FBXL13: variants seen among roughly 807,000 people sequenced by gnomAD.
FBXL13 encodes F-box and leucine-rich repeat protein 13.
FBXL13 carries 67 observed loss-of-function variants against 83.6 expected under a neutral mutation model. The observed-to-expected ratio is 0.80, with a 90% CI of 0.66 to 0.98. FBXL13 has a LOEUF of 0.98. FBXL13 is among the 50% of genes least tolerant of loss of function. The probability of loss-of-function intolerance (pLI) is 0.00; values close to 1 mark genes in which losing one functional copy is unlikely to be tolerated. For missense variants in FBXL13, 822 were observed against 866.5 expected (o/e 0.95, Z 0.64); for synonymous variants, 272 against 299.5 (o/e 0.91, Z 0.95).
chr7:102,884,323 C>T lies in FBXL13; in HGVS notation c.1009-11G>A. On this transcript the variant is annotated splice_polypyrimidine_tract_variant and intron_variant, in intron 11 of 19. Transcript: ENST00000313221. The stretch of plus-strand genomic sequence containing the variant: ...GCCTTGGACTGAAATCTGAATTGTA[C>T]AGAGTAGAAAATAATGGGAGAATGC... 1 of 1,603,316 alleles carries T rather than the reference C, an allele frequency of 6.2e-7. No individual in the cohort carries two copies. Among genetic ancestry groups the T allele is most frequent in the Non-Finnish European group, 8.5e-7 (1 of 1,170,768 alleles).
chr7:102,834,059 AGGAAGGAAGGAAGGAAG>A, intron 17 of FBXL13, among the ~76,000 whole-genome samples: 1 of 115,262 alleles, frequency 8.7e-6, no homozygotes, highest in East Asian at 2.6e-4. Flanking sequence ...GAAGGAAGGA[AGGAAGGAAGGAAGGAAG>A]GAAGGAAAGA....
intron 6 of FBXL13, among the ~76,000 whole-genome samples, chr7:102,984,008 A>G (rs1196687251): frequency 1.3e-5 from 2 of 152,134 alleles, no homozygotes; most frequent in Admixed American, 1.3e-4. Context: ...ACCTAATTAT[A>G]TTCATGTGAT....
chr7:103,012,695 T>C (rs561163892), intron 6 of FBXL13, among the ~76,000 whole-genome samples: 16 of 152,136 alleles, frequency 1.1e-4, no homozygotes, highest in African/African-American at 3.9e-4. Context: ...CCAGCCACTA[T>C]AAAAAAACAC....
intron 1 of FBXL13, among the ~76,000 whole-genome samples, chr7:103,072,114 C>T (rs1389757552): frequency 2.0e-5 from 3 of 151,440 alleles, no homozygotes; most frequent in Non-Finnish European, 2.9e-5. Flanking sequence ...ACCCAGGAGG[C>T]GGATGTTGCA....
chr7:102,973,756 C>G lies in FBXL13; in HGVS notation c.496-5639G>C, dbSNP rs1416185514. On this transcript the variant is annotated intron_variant, in intron 6 of 19. Coordinates refer to ENST00000313221, the Ensembl canonical transcript of FBXL13. ...CTTCTCTGTGCATGCACATCAGTCA[C>G]TGATCTCACCTACTGGTAAGTTTCC... is the stretch of plus-strand genomic sequence containing the variant. 5.2e-6 allele frequency: 4 copies of G among 765,432 alleles called. No individual in the cohort carries two copies. The African/African-American group carries it at 6.8e-5, about 13-fold the overall frequency. The allele number at this position is 765,432 out of a possible 1,614,324, so 47.4% of individuals were successfully genotyped here.
At chr7:102,834,448 T>C (rs982188714) in intron 17 of FBXL13, among the ~76,000 whole-genome samples, 1 of 115,018 alleles carries the variant, frequency 8.7e-6, no homozygotes, top group African/African-American at 4.4e-5. Flanking sequence ...ATATTATATA[T>C]ATGTGATTAT....
At chr7:102,878,333 C>T in exon 15 of FBXL13, 1 of 1,598,760 alleles carries the variant, frequency 6.3e-7, no homozygotes, top group South Asian at 1.1e-5. Flanking sequence ...TATCATACCG[C>T]TCAGATAGTT....
chr7:102,861,594 G>A (rs966335699), intron 16 of FBXL13, among the ~76,000 whole-genome samples: 1 of 152,178 alleles, frequency 6.6e-6, no homozygotes, highest in Non-Finnish European at 1.5e-5. Flanking sequence ...TTGTTGAGAT[G>A]TTATAGTACA....
chr7:103,008,425 T>C (rs1163680185), intron 6 of FBXL13, among the ~76,000 whole-genome samples: 1 of 152,230 alleles, frequency 6.6e-6, no homozygotes, highest in East Asian at 1.9e-4. Context: ...ACATCAATAA[T>C]ATTCATGGCA....
intron 6 of FBXL13, among the ~76,000 whole-genome samples, chr7:102,997,936 G>A (rs1397903768): frequency 1.3e-5 from 2 of 152,192 alleles, no homozygotes; most frequent in African/African-American, 2.4e-5. Context: ...ATACTCAGCA[G>A]TGAGATTGCT....
chr7:102,993,455 G>C (rs186683035), intron 6 of FBXL13, among the ~76,000 whole-genome samples: 1 of 152,278 alleles, frequency 6.6e-6, no homozygotes, highest in Admixed American at 6.5e-5. Context: ...TGTTTAAAAT[G>C]AAGACAACCC....
At chr7:102,864,015 T>C (rs1038377618) in intron 16 of FBXL13, among the ~76,000 whole-genome samples, 1 of 152,178 alleles carries the variant, frequency 6.6e-6, no homozygotes, top group Admixed American at 6.5e-5. Context: ...CTTTCTTCAA[T>C]AGATCATCCA....
At chr7:102,900,780 G>A (rs1030930283) in intron 11 of FBXL13, among the ~76,000 whole-genome samples, 2 of 152,194 alleles carry the variant, frequency 1.3e-5, no homozygotes, top group African/African-American at 4.8e-5. Flanking sequence ...GCCTGAAACA[G>A]TGCCTGACAC....
At chr7:103,041,625 C>T (rs1234889843) in intron 2 of FBXL13, among the ~76,000 whole-genome samples, 7 of 152,300 alleles carry the variant, frequency 4.6e-5, no homozygotes, top group African/African-American at 1.4e-4. Context: ...TTATCCACCA[C>T]AATCAAGTTG....
At chr7:102,909,184 C>T (rs1216355846) in intron 11 of FBXL13, among the ~76,000 whole-genome samples, 1 of 152,190 alleles carries the variant, frequency 6.6e-6, no homozygotes, top group African/African-American at 2.4e-5. Flanking sequence ...ACCGCCACCC[C>T]AGGCCATGAG....
At chr7:103,072,378 G>C (rs1585670744) in intron 1 of FBXL13, among the ~76,000 whole-genome samples, 1 of 152,114 alleles carries the variant, frequency 6.6e-6, no homozygotes, top group Non-Finnish European at 1.5e-5. Flanking sequence ...GGTGAGTGAA[G>C]GACTCCTCAG....
intron 16 of FBXL13, among the ~76,000 whole-genome samples, chr7:102,858,581 A>G (rs73406284): frequency 5.3e-5 from 8 of 152,220 alleles, no homozygotes; most frequent in African/African-American, 1.9e-4. Context: ...ATAAAAGAAA[A>G]AAGTGGAAAC....
At chr7:102,839,573 C>T (rs532249627) in intron 17 of FBXL13, among the ~76,000 whole-genome samples, 1 of 152,250 alleles carries the variant, frequency 6.6e-6, no homozygotes, top group African/African-American at 2.4e-5. Flanking sequence ...GTTCCTCAGC[C>T]TCTAGCTGGG....
chr7:102,992,896 C>T (rs1183047214), intron 6 of FBXL13, among the ~76,000 whole-genome samples: 1 of 152,200 alleles, frequency 6.6e-6, no homozygotes, highest in African/African-American at 2.4e-5. Flanking sequence ...CATGAGCCAC[C>T]ACGCCCAGCC....
Sources: gnomAD v4.1 joint callset for allele counts (sites outside exome capture counted in the v4.1 genomes callset) on GRCh38, gnomAD v4.1.1 for gene constraint, MANE v1.5 for transcripts, NCBI Gene and HGNC (gene_info 2026-07-23, HGNC 2026-07-21) for gene names.